CEP83: variants seen among roughly 807,000 people sequenced by gnomAD.
The protein encoded by CEP83 is centrosomal protein of 83 kDa.
A neutral mutation model predicts 101.9 loss-of-function variants in CEP83; 70 were observed. That is an observed-to-expected ratio of 0.69 (90% CI 0.57 to 0.84). The LOEUF is 0.84. Among genes scored for constraint, CEP83 ranks in the 40% least tolerant of loss-of-function variants. The probability of loss-of-function intolerance (pLI) is 0.00; values close to 1 mark genes in which losing one functional copy is unlikely to be tolerated. For synonymous variants in CEP83, 264 were observed against 267.9 expected, an observed-to-expected ratio of 0.99 and a Z score of 0.14; for missense variants, 715 against 787.2, an observed-to-expected ratio of 0.91 and a Z score of 1.10.
intron 6 of CEP83, among the ~76,000 whole-genome samples, chr12:94,384,414 T>G (rs2062019007): frequency 1.3e-5 from 2 of 152,172 alleles, no homozygotes; most frequent in Non-Finnish European, 2.9e-5. Flanking sequence ...GCTGTGAATG[T>G]GTTCAGCTTC....
At chr12:94,445,384 TA>T (rs551884482) in intron 1 of CEP83, among the ~76,000 whole-genome samples, 19 of 150,554 alleles carry the variant, frequency 1.3e-4, no homozygotes, top group African/African-American at 2.4e-4. Context: ...ATAAACCTCC[TA>T]AAAAAAAATA....
intron 11 of CEP83, among the ~76,000 whole-genome samples, chr12:94,337,449 T>C (rs978657089): frequency 6.6e-6 from 1 of 152,184 alleles, no homozygotes; most frequent in Non-Finnish European, 1.5e-5. Flanking sequence ...CATTTAGGAT[T>C]CTATGGGATA....
intron 1 of CEP83, among the ~76,000 whole-genome samples, chr12:94,442,570 A>G (rs2066491694): frequency 6.6e-6 from 1 of 152,192 alleles, no homozygotes; most frequent in Admixed American, 6.5e-5. Flanking sequence ...TGTTTCTTTC[A>G]GTCTTCACTT....
At chr12:94,317,719 G>A (rs895069668) in intron 14 of CEP83, among the ~76,000 whole-genome samples, 1 of 152,058 alleles carries the variant, frequency 6.6e-6, no homozygotes, top group African/African-American at 2.4e-5. Flanking sequence ...AAGATCAGAT[G>A]ATTGTAGCTG....
At chr12:94,439,590 A>G (rs2066247187) in intron 1 of CEP83, among the ~76,000 whole-genome samples, 1 of 152,080 alleles carries the variant, frequency 6.6e-6, no homozygotes, top group South Asian at 2.1e-4. Flanking sequence ...TGATGGATTC[A>G]CAGCTGAATT....
intron 11 of CEP83, among the ~76,000 whole-genome samples, chr12:94,348,062 T>C (rs568731196): frequency 5.7e-4 from 86 of 152,190 alleles, no homozygotes; most frequent in African/African-American, 1.8e-3. Flanking sequence ...CTGAACTGTA[T>C]GTTTTAAAAT....
intron 2 of CEP83, among the ~76,000 whole-genome samples, chr12:94,421,413 T>C (rs2064734747): frequency 6.6e-6 from 1 of 152,168 alleles, no homozygotes; most frequent in Non-Finnish European, 1.5e-5. Context: ...ATTCAAAAAT[T>C]GGGCTCAGCA....
intron 11 of CEP83, among the ~76,000 whole-genome samples, chr12:94,354,871 G>C (rs1333781281): frequency 6.6e-6 from 1 of 152,102 alleles, no homozygotes; most frequent in Non-Finnish European, 1.5e-5. Context: ...TTATATGGGC[G>C]TGGTGGCACA....
chr12:94,308,850 C>CT lies in CEP83; in HGVS notation c.2068dup (p.Arg690LysfsTer40). The CT allele has an allele frequency of 1.2e-6, 2 of 1,612,800 alleles. No individual in the cohort carries two copies. The highest frequency in any genetic ancestry group is 2.2e-5 in the South Asian group (2 of 91,028). On this transcript the variant is annotated frameshift_variant, in exon 17 of 17. Coordinates refer to ENST00000397809, the MANE Select transcript of CEP83 (RefSeq NM_016122.3). LOFTEE classifies it high-confidence loss of function. ...AGATCCAAGTTCCTCTAGTTGTTTT[C>CT]TTTGTGTTGTTTCCAGTTCTTCTAG...
chr12:94,314,595 T>TA (rs1489612112), intron 14 of CEP83, among the ~76,000 whole-genome samples: 19 of 152,342 alleles, frequency 1.2e-4, no homozygotes, highest in Admixed American at 1.1e-3. Context: ...TAACCTAGTA[T>TA]ATTCACTCAG....
chr12:94,297,249 C>T, the CEP83 span: 1 of 1,613,872 alleles, frequency 6.2e-7, no homozygotes. Context: ...GTGCTCACCA[C>T]TGAACTGCAT....
At chr12:94,358,466 T>C (rs559639357) in intron 11 of CEP83, among the ~76,000 whole-genome samples, 1 of 152,320 alleles carries the variant, frequency 6.6e-6, no homozygotes, top group South Asian at 2.1e-4. Flanking sequence ...ACCTATACCT[T>C]TCAAATGGTT....
the CEP83 span, among the ~76,000 whole-genome samples, chr12:94,273,980 C>T: frequency 6.6e-6 from 1 of 151,804 alleles, no homozygotes; most frequent in South Asian, 2.1e-4. Flanking sequence ...ATCCTAGTCA[C>T]AAGATGGCTG....
chr12:94,387,814 C>T (rs907178630), intron 6 of CEP83, among the ~76,000 whole-genome samples: 2 of 150,966 alleles, frequency 1.3e-5, no homozygotes, highest in African/African-American at 4.9e-5. Flanking sequence ...AAGCAGCCAA[C>T]AAACATGAAA....
At chr12:94,304,462 C>G (rs756630705), downstream of CEP83, 2 of 157,486 alleles carry the variant, frequency 1.3e-5, no homozygotes, top group African/African-American at 2.4e-5. Flanking sequence ...CTAACTTAAG[C>G]GACTATTTCA....
At chr12:94,321,588 G>GC (rs1279663178) in intron 14 of CEP83, among the ~76,000 whole-genome samples, 1 of 152,156 alleles carries the variant, frequency 6.6e-6, no homozygotes, top group Non-Finnish European at 1.5e-5. Context: ...GGGTGACCCT[G>GC]CCCAGGGAGG....
chr12:94,371,427 A>G (rs1435696039), intron 8 of CEP83, among the ~76,000 whole-genome samples: 1 of 152,214 alleles, frequency 6.6e-6, no homozygotes, highest in Non-Finnish European at 1.5e-5. Context: ...ACAAGTATAA[A>G]TCATATAAAT....
At chr12:94,358,608 T>A (rs2060592467) in intron 11 of CEP83, among the ~76,000 whole-genome samples, 1 of 152,228 alleles carries the variant, frequency 6.6e-6, no homozygotes, top group Non-Finnish European at 1.5e-5. Flanking sequence ...ATTCTCCAAT[T>A]TTCGTAATTA....
intron 11 of CEP83, among the ~76,000 whole-genome samples, chr12:94,366,438 T>C (rs935658046): frequency 6.6e-6 from 1 of 152,134 alleles, no homozygotes; most frequent in African/African-American, 2.4e-5. Flanking sequence ...GAGTGATGAG[T>C]TAGCAATTCT....
Sources: allele counts gnomAD v4.1 joint callset (sites outside exome capture counted in the v4.1 genomes callset), GRCh38; gene constraint gnomAD v4.1.1; transcripts MANE v1.5; gene names NCBI Gene and HGNC (gene_info 2026-07-23, HGNC 2026-07-21).